SHANK2: variants seen among roughly 807,000 people sequenced by gnomAD.
SHANK2 encodes SH3 and multiple ankyrin repeat domains 2, also known as SH3 and multiple ankyrin repeat domains protein 2.
Under a neutral mutation model 133.7 loss-of-function variants are expected in SHANK2, and 43 were observed. That is an observed-to-expected ratio of 0.32 (90% CI 0.25 to 0.41). SHANK2 has a LOEUF of 0.41. Ranked by LOEUF, SHANK2 falls within the 10% of genes least tolerant of loss-of-function variation. SHANK2 has a pLI of 1.00. For missense variants in SHANK2, 1,994 were observed against 2,235.8 expected, an observed-to-expected ratio of 0.89 and a Z score of 2.18; for synonymous variants, 1,017 against 952.8, an observed-to-expected ratio of 1.07 and a Z score of -1.24.
chr11:71,129,892 T>C (rs1378121401), intron 3 of SHANK2, among the ~76,000 whole-genome samples: 1 of 152,150 alleles, frequency 6.6e-6, no homozygotes, highest in Non-Finnish European at 1.5e-5. Context: ...CCGCAGACAT[T>C]TATTGTCTCC....
intron 10 of SHANK2, among the ~76,000 whole-genome samples, chr11:70,926,850 C>CA (rs1160609554): frequency 6.6e-6 from 1 of 152,184 alleles, no homozygotes; most frequent in Non-Finnish European, 1.5e-5. Flanking sequence ...GGCAAAATCA[C>CA]AAATATGGAA....
rs906044866 is a variant in SHANK2, at chr11:70,613,806, C to A, written c.2061+46022G>T. Among the ~76,000 whole-genome samples the A allele has an allele frequency of 3.1e-4, 39 of 126,686 alleles. No homozygotes were observed. The East Asian group carries it at 8.4e-3, about 27-fold the overall frequency. The allele number at this position is 126,686 out of a possible 152,430, so 83.1% of individuals were successfully genotyped here. A position where few individuals can be genotyped will look rare whatever the true frequency, so the allele number is the denominator to read the frequency against. ...TTGAGATGGAGTCTCACACTGTCACCCAGGCTGGAGTGTAGTGGCACAATC... is the reference window on the plus strand; with the variant it reads ...TTGAGATGGAGTCTCACACTGTCACACAGGCTGGAGTGTAGTGGCACAATC... On this transcript the variant is annotated intron_variant, in intron 17 of 25. Transcript: ENST00000601538.
At chr11:70,560,639 T>G (rs542171166) in intron 17 of SHANK2, among the ~76,000 whole-genome samples, 26 of 145,286 alleles carry the variant, frequency 1.8e-4, no homozygotes, top group Non-Finnish European at 3.8e-4. Context: ...TTTTCGTTTG[T>G]TTTTTTTTTT....
At chr11:70,836,138 G>A (rs1283813315) in intron 11 of SHANK2, among the ~76,000 whole-genome samples, 2 of 152,232 alleles carry the variant, frequency 1.3e-5, no homozygotes, top group African/African-American at 4.8e-5. Context: ...GCCCATGGGG[G>A]GCCAGGGGAA....
chr11:70,937,554 G>A (rs1296660560), intron 10 of SHANK2, among the ~76,000 whole-genome samples: 2 of 152,244 alleles, frequency 1.3e-5, no homozygotes, highest in East Asian at 1.9e-4. Flanking sequence ...AGTACCCAGA[G>A]GGCCTGGCCT....
intron 17 of SHANK2, among the ~76,000 whole-genome samples, chr11:70,605,876 G>T (rs1554992223): frequency 6.6e-6 from 1 of 152,116 alleles, no homozygotes; most frequent in African/African-American, 2.4e-5. Context: ...TGGATTTAGG[G>T]GCCTGAAGCC....
chr11:70,613,763 G>GTTTTTT (rs57180024), intron 17 of SHANK2, among the ~76,000 whole-genome samples: 109,143 of 123,714 alleles, frequency 0.88, 49,115 homozygotes, highest in East Asian at 0.98. Context: ...AGGGGAACTT[G>GTTTTTT]TTTTTTTTTT....
At chr11:70,657,182 T>C (rs979151778) in intron 17 of SHANK2, among the ~76,000 whole-genome samples, 1 of 152,094 alleles carries the variant, frequency 6.6e-6, no homozygotes, top group Non-Finnish European at 1.5e-5. Context: ...AAGGGCTGCT[T>C]GGGGTAAGGA....
intron 14 of SHANK2, among the ~76,000 whole-genome samples, chr11:70,781,504 C>T (rs564766758): frequency 1.9e-4 from 26 of 136,852 alleles, no homozygotes; most frequent in African/African-American, 6.2e-4. Context: ...GTTTTCCAAA[C>T]ACAGTCATTC....
chr11:71,186,611 G>T (rs922128146), intron 2 of SHANK2, among the ~76,000 whole-genome samples: 1 of 152,172 alleles, frequency 6.6e-6, no homozygotes, highest in African/African-American at 2.4e-5. Flanking sequence ...CCTTAGAGGG[G>T]TCATAAGAGA....
Position 71,083,320 on chromosome 11 carries a change from G to A in SHANK2, c.913-8045C>T, listed in dbSNP as rs887953811. Among the ~76,000 whole-genome samples, 5 of 152,074 alleles carry A rather than the reference G, an allele frequency of 3.3e-5. No individual in the cohort carries two copies. The East Asian group carries it at 5.8e-4, about 18-fold the overall frequency. On this transcript the variant is annotated intron_variant, in intron 8 of 25. Coordinates refer to ENST00000601538, the MANE Select transcript of SHANK2 (RefSeq NM_012309.5). The stretch of plus-strand genomic sequence containing the variant: ...ATGATGACAATGAGGATGATGATGG[G>A]GGGACAGATGATGACAATAATGATA...
chr11:71,209,354 C>A lies in SHANK2; in HGVS notation c.-13+15343G>T, dbSNP rs563838625. Among the ~76,000 whole-genome samples, 17 of 152,314 alleles carry A rather than the reference C, an allele frequency of 1.1e-4. No homozygotes were observed. The East Asian group carries it at 2.9e-3, about 26-fold the overall frequency. Reference sequence around the variant, plus strand: ...ACACAGGCCAATCAGACACACCCTCCCACGCCCTGCCTCAAGAAAACCCAC... The same window carrying A: ...ACACAGGCCAATCAGACACACCCTCACACGCCCTGCCTCAAGAAAACCCAC... On this transcript the variant is annotated intron_variant, in intron 2 of 25. Coordinates refer to ENST00000601538, the MANE Select transcript of SHANK2 (RefSeq NM_012309.5).
intron 17 of SHANK2, among the ~76,000 whole-genome samples, chr11:70,621,448 C>A (rs936947843): frequency 2.0e-5 from 3 of 152,246 alleles, no homozygotes; most frequent in Non-Finnish European, 2.9e-5. Context: ...TCTGGCCTGG[C>A]TCCTGCCTCT....
chr11:70,627,262 G>A (rs782130680), intron 17 of SHANK2, among the ~76,000 whole-genome samples: 17 of 152,268 alleles, frequency 1.1e-4, no homozygotes, highest in South Asian at 6.2e-4. Flanking sequence ...CTGCAGGGAC[G>A]TGTGTCACTC....
At chr11:71,154,925 C>A in intron 2 of SHANK2, among the ~76,000 whole-genome samples, 1 of 126,474 alleles carries the variant, frequency 7.9e-6, no homozygotes, top group African/African-American at 3.2e-5. Context: ...TGGACCTACC[C>A]CCGCCCACGC....
chr11:70,910,148 C>A (rs192689235), intron 10 of SHANK2, among the ~76,000 whole-genome samples: 1 of 152,292 alleles, frequency 6.6e-6, no homozygotes, highest in East Asian at 1.9e-4. Context: ...ACTTAATTAC[C>A]TCTTCAAAGG....
intron 11 of SHANK2, among the ~76,000 whole-genome samples, chr11:70,840,312 C>T (rs1399343515): frequency 6.6e-6 from 1 of 152,188 alleles, no homozygotes; most frequent in Non-Finnish European, 1.5e-5. Flanking sequence ...GGCAGAGATG[C>T]CCAAGGGCAG....
chr11:70,488,112 CTGGCATTG>C (rs1283480772), intron 24 of SHANK2, among the ~76,000 whole-genome samples: 2 of 152,208 alleles, frequency 1.3e-5, no homozygotes, highest in Admixed American at 6.5e-5. Flanking sequence ...TGTGCTTGTG[CTGGCATTG>C]TGGCATTGTG....
intron 15 of SHANK2, among the ~76,000 whole-genome samples, chr11:70,662,796 G>A (rs1555013843): frequency 1.3e-5 from 2 of 152,062 alleles, no homozygotes; most frequent in African/African-American, 2.4e-5. Flanking sequence ...TCCAGCCCCC[G>A]AGGCACCCAG....
Sources: allele counts gnomAD v4.1 joint callset (sites outside exome capture counted in the v4.1 genomes callset), GRCh38; gene constraint gnomAD v4.1.1; transcripts MANE v1.5; gene names NCBI Gene and HGNC (gene_info 2026-07-23, HGNC 2026-07-21).